Variants in ITFG1 observed in about 807,000 individuals in gnomAD.
The protein encoded by ITFG1 is integrin alpha FG-GAP repeat containing 1.
In ITFG1, 34 loss-of-function variants were observed where a neutral mutation model predicts 81.8. The ratio of observed to expected loss-of-function variants is 0.42; its 90% CI spans 0.32 to 0.55. ITFG1 has a LOEUF of 0.55. ITFG1 is among the 20% of genes least tolerant of loss of function. The pLI is 0.17. For synonymous variants in ITFG1, 285 were observed against 270.6 expected, an observed-to-expected ratio of 1.05 and a Z score of -0.52; for missense variants, 672 against 755.4, an observed-to-expected ratio of 0.89 and a Z score of 1.29.
intron 8 of ITFG1, among the ~76,000 whole-genome samples, chr16:47,352,437 A>C (rs1356052805): frequency 6.6e-6 from 1 of 152,258 alleles, no homozygotes; most frequent in Admixed American, 6.5e-5. Flanking sequence ...ACATTTATGC[A>C]GCCAAAAAAC....
chr16:47,315,022 A>C, intron 8 of ITFG1, among the ~76,000 whole-genome samples: 1 of 152,202 alleles, frequency 6.6e-6, no homozygotes, highest in Non-Finnish European at 1.5e-5. Context: ...TTCAGCATGG[A>C]AAATTAAAAA....
At chr16:47,199,419 C>CAAGCTA (rs771082874) in intron 14 of ITFG1, among the ~76,000 whole-genome samples, 2 of 152,198 alleles carry the variant, frequency 1.3e-5, no homozygotes, top group Non-Finnish European at 2.9e-5. Flanking sequence ...TCTAGTTGTA[C>CAAGCTA]AAGCTACATT....
intron 2 of ITFG1, 97 bp from the exon 3 acceptor site, chr16:47,454,255 TAAAACTTAACA>T: frequency 9.6e-7 from 1 of 1,039,662 alleles, no homozygotes; most frequent in Non-Finnish European, 1.5e-6. Flanking sequence ...ATGAAAAACT[TAAAACTTAACA>T]GAACTGACTG....
At chr16:47,434,441 G>A (rs1969139626) in intron 5 of ITFG1, among the ~76,000 whole-genome samples, 2 of 149,878 alleles carry the variant, frequency 1.3e-5, no homozygotes, top group East Asian at 2.0e-4. Context: ...CAAAAAACAC[G>A]AAAAAAAAGC....
chr16:47,303,000 G>C (rs918226578), intron 10 of ITFG1, among the ~76,000 whole-genome samples: 5 of 152,186 alleles, frequency 3.3e-5, no homozygotes, highest in Non-Finnish European at 7.3e-5. Context: ...GGCTGGGGGC[G>C]GTAGCTCACG....
At chr16:47,438,832 G>A (rs1360759696) in intron 5 of ITFG1, among the ~76,000 whole-genome samples, 1 of 152,216 alleles carries the variant, frequency 6.6e-6, no homozygotes, top group Non-Finnish European at 1.5e-5. Flanking sequence ...AAAGCTGGAT[G>A]GAGAATGACT....
chr16:47,446,109 T>C (rs1473297449), intron 5 of ITFG1, among the ~76,000 whole-genome samples: 2 of 151,928 alleles, frequency 1.3e-5, no homozygotes, highest in Non-Finnish European at 2.9e-5. Context: ...ACTTACTTGA[T>C]AAACATTTAA....
At chr16:47,319,580 T>C (rs140662595) in intron 8 of ITFG1, among the ~76,000 whole-genome samples, 1 of 152,238 alleles carries the variant, frequency 6.6e-6, no homozygotes, top group Non-Finnish European at 1.5e-5. Flanking sequence ...TATAAAGCTG[T>C]ATACTCAAGG....
In ITFG1 at chr16:47,442,694, C is replaced by T. The variant is rs141244932; in HGVS notation, c.560+8702G>A. Reference sequence around the variant, plus strand: ...AAATGGTGCTGGGAAAACTGGCTAGCCATATGGAGAAAGCTGAAACTGGAT... The same window carrying T: ...AAATGGTGCTGGGAAAACTGGCTAGTCATATGGAGAAAGCTGAAACTGGAT... On this transcript the variant is annotated intron_variant, in intron 5 of 17. Coordinates refer to ENST00000320640, the MANE Select transcript of ITFG1 (RefSeq NM_030790.5). 2.3e-3 allele frequency among the ~76,000 whole-genome samples: 350 copies of T among 152,164 alleles called. 1 individual carries two copies. The highest frequency in any genetic ancestry group is 7.7e-3 in the African/African-American group (321 of 41,506).
intron 5 of ITFG1, among the ~76,000 whole-genome samples, chr16:47,439,692 A>G (rs1383971646): frequency 5.3e-5 from 8 of 152,354 alleles, no homozygotes; most frequent in African/African-American, 1.9e-4. Context: ...GAAGCACTAA[A>G]CATGGAAAGG....
Position 47,365,828 on chromosome 16 carries a change from T to C in ITFG1, c.762A>G (p.Gln254=), listed in dbSNP as rs1292472665. ...FSVSTILEKP[Q]NMMVVGQSAF... is the part of the protein sequence containing the mutation. ...CTGACTGTCCAACCACCATCATATT[T>C]TGAGGTTTTTCCAATATAGTACTGA... is the stretch of plus-strand genomic sequence containing the variant. The change falls in exon 8 of 18, where the codon CAA becomes CAG. Residue 254 remains glutamine (Q), a synonymous_variant. Transcript: ENST00000320640. 7 of 1,608,674 alleles carry C rather than the reference T, an allele frequency of 4.4e-6. No homozygotes were observed. Among genetic ancestry groups the C allele is most frequent in the Non-Finnish European group, 6.0e-6 (7 of 1,175,568 alleles).
At chr16:47,224,166 A>C (rs1408286850) in intron 13 of ITFG1, among the ~76,000 whole-genome samples, 1 of 152,206 alleles carries the variant, frequency 6.6e-6, no homozygotes, top group Non-Finnish European at 1.5e-5. Flanking sequence ...ATACATATGT[A>C]ACAAACCTGC....
rs780205819 is a variant in ITFG1 at position 47,461,020 on chromosome 16, C to A, written c.26G>T (p.Ser9Ile). The A allele has an allele frequency of 6.5e-7, 1 of 1,546,430 alleles. No individual in the cohort carries two copies. Among genetic ancestry groups the A allele is most frequent in the Middle Eastern group, 2.1e-4 (1 of 4,746 alleles). Residue 9 changes from serine to isoleucine, a missense_variant, in exon 1 of 18, where the codon AGC becomes ATC. Ser to Ile is a moderately radical substitution (Grantham distance 142). Coordinates refer to ENST00000320640, the MANE Select transcript of ITFG1 (RefSeq NM_030790.5). The part of the protein sequence containing the change: MAAAGRLP[S>I]SWALFSPLLA... ...GAGCGGCGAGAAGAGGGCCCAGGAG[C>A]TCGGGAGCCGGCCCGCCGCCGCCAT...
At chr16:47,308,911 T>C (rs1264732679) in intron 10 of ITFG1, among the ~76,000 whole-genome samples, 1 of 152,106 alleles carries the variant, frequency 6.6e-6, no homozygotes, top group African/African-American at 2.4e-5. Flanking sequence ...CTTAAATATG[T>C]CAACATTTTG....
At chr16:47,226,701 T>C (rs1965762645) in intron 13 of ITFG1, among the ~76,000 whole-genome samples, 2 of 152,032 alleles carry the variant, frequency 1.3e-5, no homozygotes, top group African/African-American at 4.8e-5. Context: ...TACATAGTTA[T>C]GTGAGGCTGA....
chr16:47,392,344 A>C (rs1968542689), intron 6 of ITFG1, among the ~76,000 whole-genome samples: 1 of 152,194 alleles, frequency 6.6e-6, no homozygotes, highest in Non-Finnish European at 1.5e-5. Flanking sequence ...TATCTGGGGG[A>C]AGAGCGTCCT....
At chr16:47,175,208 T>C (rs1207258655) in intron 14 of ITFG1, among the ~76,000 whole-genome samples, 1 of 152,090 alleles carries the variant, frequency 6.6e-6, no homozygotes, top group African/African-American at 2.4e-5. Context: ...CCAGAATCTG[T>C]GGCAAGTACT....
At chr16:47,227,456 A>G (rs1965770159) in intron 13 of ITFG1, among the ~76,000 whole-genome samples, 2 of 152,168 alleles carry the variant, frequency 1.3e-5, no homozygotes. Context: ...AAAAAAGACT[A>G]TCATTGGCAC....
intron 6 of ITFG1, among the ~76,000 whole-genome samples, chr16:47,417,278 A>G (rs773282810): frequency 1.8e-4 from 27 of 152,356 alleles, no homozygotes; most frequent in Non-Finnish European, 2.6e-4. Flanking sequence ...ATCAAAGATA[A>G]TTGCTATACA....
Sources: allele counts gnomAD v4.1 joint callset (sites outside exome capture counted in the v4.1 genomes callset), GRCh38; gene constraint gnomAD v4.1.1; transcripts MANE v1.5; gene names NCBI Gene and HGNC (gene_info 2026-07-23, HGNC 2026-07-21).